ITIH5: variants seen among roughly 807,000 people sequenced by gnomAD.
ITIH5 encodes the protein inter-alpha-trypsin inhibitor heavy chain H5.
A neutral mutation model predicts 77.5 loss-of-function variants in ITIH5; 65 were observed. The ratio of observed to expected loss-of-function variants is 0.84; its 90% CI spans 0.69 to 1.03. The LOEUF (loss-of-function observed/expected upper bound fraction) is 1.03, where lower values mean the gene tolerates loss of function less well. Among genes scored for constraint, ITIH5 ranks in the 50% least tolerant of loss-of-function variants. The pLI is 0.00. For synonymous variants in ITIH5, 525 were observed against 494.3 expected (o/e 1.06, Z -0.82); for missense variants, 1,208 against 1,213.1 (o/e 1.00, Z 0.06).
chr10:7,615,970 G>A lies in ITIH5; in HGVS notation c.939+12C>T, dbSNP rs745545934. The A allele has an allele frequency of 1.0e-5, 15 of 1,481,162 alleles. No homozygotes were observed. The highest frequency in any genetic ancestry group is 1.4e-5 in the Non-Finnish European group (15 of 1,059,192). The allele number at this position is 1,481,162 out of a possible 1,614,324, so 91.8% of individuals were successfully genotyped here. A position where few individuals can be genotyped will look rare whatever the true frequency, so the allele number is the denominator to read the frequency against. ...CGAGAGAGGAATAAATGGGCGGTTG[G>A]CACTCACTCACCTGCCGGAGTTTGG... On this transcript the variant is annotated intron_variant, in intron 7 of 13. Transcript: ENST00000397146.
chr10:7,637,453 C>T lies in ITIH5; in HGVS notation c.427G>A (p.Ala143Thr). 1 of 1,614,090 alleles carries T rather than the reference C, an allele frequency of 6.2e-7. No individual in the cohort carries two copies. Among genetic ancestry groups the T allele is most frequent in the Non-Finnish European group, 8.5e-7 (1 of 1,179,968 alleles). ...TCCTTGCTGGGAATCACTGCAGAAGCTCTGAATATTTCAGTCCCCTTCTCT... is the reference window on the plus strand; with the variant it reads ...TCCTTGCTGGGAATCACTGCAGAAGTTCTGAATATTTCAGTCCCCTTCTCT... ...NGEKGTEIFR[A>T]SAVIPSKDKA... The change falls in exon 5 of 14, where the codon GCT becomes ACT. Residue 143 changes from alanine (A) to threonine (T), a missense_variant. By Grantham distance (58) the Ala-to-Thr change is moderately conservative (BLOSUM62 0). Coordinates refer to ENST00000397146, the MANE Select transcript of ITIH5 (RefSeq NM_030569.7).
intron 2 of ITIH5, among the ~76,000 whole-genome samples, chr10:7,644,400 TATATCAC>T (rs1184789574): frequency 2.7e-5 from 4 of 146,156 alleles, no homozygotes; most frequent in East Asian, 3.9e-4. Context: ...ATATATCACA[TATATCAC>T]ATATATCATA....
At chr10:7,625,346 CA>C (rs1833558604) in intron 5 of ITIH5, among the ~76,000 whole-genome samples, 1 of 151,984 alleles carries the variant, frequency 6.6e-6, no homozygotes, top group South Asian at 2.1e-4. Flanking sequence ...TATCTGGGAC[CA>C]GGGGGAAGGA....
chr10:7,589,228 C>A lies in ITIH5; in HGVS notation c.940-3159G>T, dbSNP rs374503025. Among the ~76,000 whole-genome samples, 23 of 152,286 alleles carry A rather than the reference C, an allele frequency of 1.5e-4. No individual in the cohort carries two copies. The South Asian group carries it at 4.6e-3, about 30-fold the overall frequency. On this transcript the variant is annotated intron_variant, in intron 7 of 13. Transcript: ENST00000397146. ...ATCCCAGCACTTTGGGAGGCTGAGG[C>A]GGGCAAATCATTTGAGGTCAGGAGT...
At chr10:7,595,219 TA>T (rs1370703769) in intron 7 of ITIH5, among the ~76,000 whole-genome samples, 2 of 152,030 alleles carry the variant, frequency 1.3e-5, no homozygotes, top group Non-Finnish European at 2.9e-5. Context: ...ACCCTAGCTC[TA>T]AAATGTAAAT....
chr10:7,615,548 A>C (rs1385231448), intron 7 of ITIH5, among the ~76,000 whole-genome samples: 1 of 152,178 alleles, frequency 6.6e-6, no homozygotes, highest in Non-Finnish European at 1.5e-5. Context: ...CTGGAATTTT[A>C]AGATTCATCC....
intron 2 of ITIH5, among the ~76,000 whole-genome samples, chr10:7,643,638 C>T (rs1315351924): frequency 6.6e-6 from 1 of 152,206 alleles, no homozygotes; most frequent in East Asian, 1.9e-4. Context: ...ATTCTACTCT[C>T]TCCTTCAGGA....
chr10:7,613,691 A>C lies in ITIH5; in HGVS notation c.939+2291T>G, dbSNP rs116432961. On this transcript the variant is annotated intron_variant, in intron 7 of 13. Transcript: ENST00000397146. ...ACAGTGAGAAAAAAAATCTGAGAGA[A>C]GATGCAAATTTTAAGAGGTGAGCTC... 7.2e-3 allele frequency among the ~76,000 whole-genome samples: 1,098 copies of C among 152,336 alleles called. 12 individuals are homozygous for C. The highest frequency in any genetic ancestry group is 0.02 in the Middle Eastern group (6 of 294).
intron 11 of ITIH5, 85 bp from the exon 12 acceptor site, chr10:7,569,869 A>G: frequency 1.5e-6 from 1 of 677,984 alleles, no homozygotes; most frequent in Non-Finnish European, 2.3e-6. Flanking sequence ...CTATTTTCTC[A>G]TGAATTATTT....
chr10:7,618,891 G>A (rs1833421996), intron 5 of ITIH5: 1 of 152,202 alleles, frequency 6.6e-6, no homozygotes, highest in Non-Finnish European at 1.5e-5. Context: ...CAATTTAGGT[G>A]TAACCTTAAC....
At position 7,572,121 on chromosome 10, in the gene ITIH5, G is replaced by A. The variant is rs377474326; in HGVS notation, c.2032+1021C>T. ...CTGGCATTCCATAAAGCCTGTGTGTGTGTGTTGGAAGGAATTACATTCTGT... is the reference window on the plus strand; with the variant it reads ...CTGGCATTCCATAAAGCCTGTGTGTATGTGTTGGAAGGAATTACATTCTGT... On this transcript the variant is annotated intron_variant, in intron 11 of 13. Transcript: ENST00000397146. 22 of 1,075,234 alleles carry A rather than the reference G, an allele frequency of 2.0e-5. No individual in the cohort carries two copies. The African/African-American group carries it at 3.0e-4, about 15-fold the overall frequency. The allele number at this position is 1,075,234 out of a possible 1,614,324, so 66.6% of individuals were successfully genotyped here.
At chr10:7,565,621 GTATATGTA>G (rs1434979244) in intron 13 of ITIH5, among the ~76,000 whole-genome samples, 2 of 147,430 alleles carry the variant, frequency 1.4e-5, no homozygotes, top group African/African-American at 2.5e-5. Context: ...AATACATTAT[GTATATGTA>G]TATATGTATA....
chr10:7,617,450 T>C (rs1833392736), intron 5 of ITIH5, 168 bp from the exon 6 acceptor site: 8 of 455,668 alleles, frequency 1.8e-5, no homozygotes, highest in Middle Eastern at 5.5e-4. Flanking sequence ...AGTTATGTCA[T>C]CATATAGTTT....
intron 5 of ITIH5, among the ~76,000 whole-genome samples, 181 bp downstream of exon 5, chr10:7,637,046 CA>C (rs376055852): frequency 3.3e-5 from 5 of 149,572 alleles, no homozygotes; most frequent in African/African-American, 7.4e-5. Flanking sequence ...GACTTCGTCT[CA>C]AAAAAAAAGA....
Position 7,566,047 on chromosome 10 carries a change from T to C in ITIH5, c.2510A>G (p.Asn837Ser), listed in dbSNP as rs993288113. The change falls in exon 13 of 14, where the codon AAC becomes AGC. Residue 837 changes from asparagine (N) to serine (S), a missense_variant. Physicochemically the swap from Asn to Ser is conservative, Grantham distance 46. Transcript: ENST00000397146. Reference sequence around the variant, plus strand: ...CTTCCTACCCAGCAGTCCGTGGCAGTTGCTGGAAAGGCCCTCGCTGTTGGC... The same window carrying C: ...CTTCCTACCCAGCAGTCCGTGGCAGCTGCTGGAAAGGCCCTCGCTGTTGGC... ...YIANSEGLSS[N>S]CHGLLGQFLN... 3 of 1,613,892 alleles carry C rather than the reference T, an allele frequency of 1.9e-6. No individual in the cohort carries two copies. Among genetic ancestry groups the C allele is most frequent in the Non-Finnish European group, 2.5e-6 (3 of 1,179,910 alleles).
intron 13 of ITIH5, among the ~76,000 whole-genome samples, chr10:7,564,025 G>A (rs187156510): frequency 1.8e-4 from 27 of 152,382 alleles, no homozygotes; most frequent in Admixed American, 1.4e-3. Context: ...GAAATTACAC[G>A]TTGAAGAAAG....
intron 7 of ITIH5, 78 bp from the exon 8 acceptor site, chr10:7,586,147 GCC>G (rs1433599742): frequency 4.8e-5 from 35 of 725,524 alleles, no homozygotes; most frequent in South Asian, 2.3e-4. Flanking sequence ...AACCGCCCCC[GCC>G]CCCCAGGAAA....
At chr10:7,595,779 C>T (rs12765064) in intron 7 of ITIH5, among the ~76,000 whole-genome samples, 1 of 152,102 alleles carries the variant, frequency 6.6e-6, no homozygotes, top group Non-Finnish European at 1.5e-5. Context: ...GAAGCCGAGG[C>T]GGGCGGATCA....
rs529853375 is a variant in ITIH5, at chr10:7,595,774, C to T, written c.940-9705G>A. On this transcript the variant is annotated intron_variant, in intron 7 of 13. Coordinates refer to ENST00000397146, the MANE Select transcript of ITIH5 (RefSeq NM_030569.7). The stretch of plus-strand genomic sequence containing the variant: ...CTGTAATCACAGCACTTTAGGAAGC[C>T]GAGGCGGGCGGATCATGAGGTCAGG... Among the ~76,000 whole-genome samples, 34 of 152,214 alleles carry T rather than the reference C, an allele frequency of 2.2e-4. No homozygotes were observed. The South Asian group carries it at 6.2e-3, about 28-fold the overall frequency.
Sources: allele counts gnomAD v4.1 joint callset (sites outside exome capture counted in the v4.1 genomes callset), GRCh38; gene constraint gnomAD v4.1.1; transcripts MANE v1.5; gene names NCBI Gene and HGNC (gene_info 2026-07-23, HGNC 2026-07-21).